WDR37: variants seen among roughly 807,000 people sequenced by gnomAD.
WDR37 encodes WD repeat-containing protein 37.
WDR37 carries 19 observed loss-of-function variants against 62.9 expected under a neutral mutation model. That is an observed-to-expected ratio of 0.30 (90% CI 0.21 to 0.44). WDR37 has a LOEUF of 0.44. Ranked by LOEUF, WDR37 falls within the 20% of genes least tolerant of loss-of-function variation. The pLI, the probability that WDR37 is intolerant of heterozygous loss-of-function variation, is 1.00. For synonymous variants in WDR37, 250 were observed against 260.9 expected (o/e 0.96, Z 0.40); for missense variants, 474 against 657.6 (o/e 0.72, Z 3.05).
At chr10:1,081,211 T>TG (rs57019561) in intron 5 of WDR37, among the ~76,000 whole-genome samples, 14,049 of 152,158 alleles carry the variant, frequency 0.092, 1,302 homozygotes, top group African/African-American at 0.25. Context: ...ATGTTCATGG[T>TG]TTTTGTATTT....
intron 13 of WDR37, among the ~76,000 whole-genome samples, chr10:1,127,216 T>C (rs1479674792): frequency 6.6e-6 from 1 of 152,258 alleles, no homozygotes; most frequent in Non-Finnish European, 1.5e-5. Flanking sequence ...AAAAACGGAA[T>C]TCTGAATGGT....
At chr10:1,064,939 G>T (rs1328101672) in intron 1 of WDR37, among the ~76,000 whole-genome samples, 2 of 152,044 alleles carry the variant, frequency 1.3e-5, no homozygotes, top group Non-Finnish European at 2.9e-5. Flanking sequence ...TAAGGAAGTG[G>T]CAGGACATTT....
rs140882647 is a variant in WDR37 at position 1,103,266 on chromosome 10, A to G, written c.727-336A>G. Among the ~76,000 whole-genome samples the G allele has an allele frequency of 7.9e-3, 1,209 of 152,334 alleles. 17 individuals are homozygous for G. Among genetic ancestry groups the G allele is most frequent in the Non-Finnish European group, 8.8e-3 (598 of 68,022 alleles). Reference sequence around the variant, plus strand: ...TTGGTTAGTTTTATATTGCATTTCTACTAGTAACTGATGAAAGCTTAAATG... The same window carrying G: ...TTGGTTAGTTTTATATTGCATTTCTGCTAGTAACTGATGAAAGCTTAAATG... On this transcript the variant is annotated intron_variant, in intron 9 of 13. Coordinates refer to ENST00000263150, the MANE Select transcript of WDR37 (RefSeq NM_014023.4). The surrounding 1 kb of genome is among the most constrained non-coding windows in gnomAD (Gnocchi z 6.3).
chr10:1,063,133 C>T (rs1833424946), intron 1 of WDR37, among the ~76,000 whole-genome samples: 2 of 151,776 alleles, frequency 1.3e-5, no homozygotes, highest in South Asian at 4.2e-4. Context: ...GGTAGACTTC[C>T]TTCGTACATT....
chr10:1,087,933 C>T (rs1453031860), intron 7 of WDR37, among the ~76,000 whole-genome samples: 1 of 152,192 alleles, frequency 6.6e-6, no homozygotes, highest in Non-Finnish European at 1.5e-5. Flanking sequence ...TTAGAGTAAC[C>T]ATCTTCACCA....
rs371246969 is a variant in WDR37, at chr10:1,103,786, C to T, written c.911C>T (p.Thr304Met). 53 of 1,614,108 alleles carry T rather than the reference C, an allele frequency of 3.3e-5. No homozygotes were observed. The highest frequency in any genetic ancestry group is 1.6e-4 in the Middle Eastern group (1 of 6,084). ...KQAVTASWDR[T>M]ANLYDVETSE... ...GCTGTGACTGCCTCCTGGGACCGGA[C>T]GGCAAACCTGTACGACGTGGAGACG... Residue 304 changes from threonine (T) to methionine (M), a missense_variant, in exon 10 of 14, where the codon ACG (threonine) becomes ATG (methionine). By Grantham distance (81) the Thr-to-Met change is moderately conservative. Transcript: ENST00000263150. The surrounding 1 kb of genome is among the most constrained non-coding windows in gnomAD (Gnocchi z 6.3).
chr10:1,074,446 C>A, intron 2 of WDR37: 2 of 1,304,388 alleles, frequency 1.5e-6, no homozygotes, highest in Non-Finnish European at 2.0e-6. Context: ...CACGCTCGCT[C>A]CCTAGACGGA....
chr10:1,071,438 A>G (rs1198718900), intron 1 of WDR37, among the ~76,000 whole-genome samples: 2 of 152,258 alleles, frequency 1.3e-5, no homozygotes, highest in African/African-American at 4.8e-5. Context: ...ACGTAGTGAT[A>G]TAATTGGGAG....
At chr10:1,089,389 G>A (rs1369515217) in intron 7 of WDR37, among the ~76,000 whole-genome samples, 4 of 152,058 alleles carry the variant, frequency 2.6e-5, no homozygotes, top group African/African-American at 9.7e-5. Context: ...CTCTGGGCCT[G>A]GGGGCCTCAG....
intron 7 of WDR37, among the ~76,000 whole-genome samples, chr10:1,087,923 T>G (rs1355686210): frequency 1.3e-5 from 2 of 152,240 alleles, no homozygotes; most frequent in African/African-American, 2.4e-5. Flanking sequence ...AACCTGTTGT[T>G]TAGAGTAACC....
At chr10:1,071,243 G>A (rs775729938) in intron 1 of WDR37, among the ~76,000 whole-genome samples, 3 of 152,176 alleles carry the variant, frequency 2.0e-5, no homozygotes, top group Non-Finnish European at 4.4e-5. Context: ...CTTTGCCTTT[G>A]ACTGCATATG....
chr10:1,124,035 C>T (rs886371715), intron 11 of WDR37, 183 bp from the exon 12 acceptor site: 2 of 664,084 alleles, frequency 3.0e-6, no homozygotes, highest in South Asian at 2.0e-5. Context: ...GGGAAGAAAT[C>T]AGTTGTCCTT....
At position 1,123,890 on chromosome 10, in the gene WDR37, A is replaced by C. The variant is rs989627404; in HGVS notation, c.1104-328A>C. 4.6e-5 allele frequency: 11 copies of C among 237,214 alleles called. 1 individual carries two copies. The highest frequency in any genetic ancestry group is 3.2e-4 in the Admixed American group (6 of 18,858). The allele number at this position is 237,214 out of a possible 1,614,324, so 14.7% of individuals were successfully genotyped here. A position where few individuals can be genotyped will look rare whatever the true frequency, so the allele number is the denominator to read the frequency against. The stretch of plus-strand genomic sequence containing the variant: ...CAGTTGTTGTTGGAATGGATTTTTT[A>C]AATTCTCTGCCATAGACCCAGATGT... On this transcript the variant is annotated intron_variant, in intron 11 of 13. Transcript: ENST00000263150.
At position 1,082,388 on chromosome 10, in the gene WDR37, A is replaced by G. The variant is rs117755713; in HGVS notation, c.396+1912A>G. Among the ~76,000 whole-genome samples, 64 of 152,314 alleles carry G rather than the reference A, an allele frequency of 4.2e-4. No homozygotes were observed. The East Asian group carries it at 0.012, about 28-fold the overall frequency. ...ATTTCTGATGCCTACGGGGGAGGGA[A>G]GTGAGGAAGTCTAACCTGCAGCCCT... On this transcript the variant is annotated intron_variant, in intron 5 of 13. Transcript: ENST00000263150.
chr10:1,106,131 C>T (rs921718021), intron 11 of WDR37, among the ~76,000 whole-genome samples: 7 of 152,184 alleles, frequency 4.6e-5, no homozygotes, highest in African/African-American at 1.7e-4. Flanking sequence ...TGACCGTCTC[C>T]TTCCCCCAGT....
chr10:1,127,055 C>G (rs920128346), intron 13 of WDR37, among the ~76,000 whole-genome samples: 3 of 152,224 alleles, frequency 2.0e-5, no homozygotes, highest in Non-Finnish European at 4.4e-5. Flanking sequence ...ATCTTAGACA[C>G]AGTAGAATGT....
intron 1 of WDR37, among the ~76,000 whole-genome samples, chr10:1,062,202 A>C (rs1327750189): frequency 6.6e-6 from 1 of 152,208 alleles, no homozygotes. Flanking sequence ...GGAAATGCAT[A>C]CATTTGGTTG....
rs1304353371 is a variant in WDR37 at position 1,121,177 on chromosome 10, C to CT, written c.1104-3039dup. Among the ~76,000 whole-genome samples the CT allele has an allele frequency of 3.3e-5, 5 of 152,336 alleles. No homozygotes were observed. Among genetic ancestry groups the CT allele is most frequent in the African/African-American group, 1.2e-4 (5 of 41,578 alleles). ...TTTTTTCTTTTGATGTCCGACAATA[C>CT]TTGTCAGGATTGTGATTTATTAAAA... is the stretch of plus-strand genomic sequence containing the variant. On this transcript the variant is annotated intron_variant, in intron 11 of 13. Transcript: ENST00000263150. This position sits in a 1 kb window ranked among gnomAD's most constrained non-coding sequence, Gnocchi z 4.5.
intron 13 of WDR37, among the ~76,000 whole-genome samples, chr10:1,128,931 G>A (rs1835889443): frequency 6.7e-6 from 1 of 150,222 alleles, no homozygotes; most frequent in African/African-American, 2.4e-5. Flanking sequence ...TGGTCCATGG[G>A]GTGCTCGGTG....
Sources: gnomAD v4.1 joint callset for allele counts (sites outside exome capture counted in the v4.1 genomes callset) on GRCh38, gnomAD v4.1.1 for gene constraint, Gnocchi (gnomAD v3.1) non-coding constraint, MANE v1.5 for transcripts, NCBI Gene and HGNC (gene_info 2026-07-23, HGNC 2026-07-21) for gene names.